The following PKHD1 variants were observed in gnomAD, a reference collection of about 807,000 sequenced individuals.
PKHD1 encodes the protein PKHD1 ciliary IPT domain containing fibrocystin/polyductin, also known as fibrocystin.
A neutral mutation model predicts 412.0 loss-of-function variants in PKHD1; 291 were observed. The ratio of observed to expected loss-of-function variants is 0.71; its 90% CI spans 0.64 to 0.78. The LOEUF (loss-of-function observed/expected upper bound fraction) is 0.78. Ranked by LOEUF, PKHD1 falls within the 30% of genes least tolerant of loss-of-function variation. The pLI, the probability that PKHD1 is intolerant of heterozygous loss-of-function variation, is 0.00. For missense variants in PKHD1, 4,825 were observed against 4,950.7 expected (o/e 0.97, Z 0.76); for synonymous variants, 1,777 against 1,821.5 (o/e 0.98, Z 0.62).
chr6:52,014,831 C>T (rs1003415893), intron 34 of PKHD1, among the ~76,000 whole-genome samples: 2 of 141,636 alleles, frequency 1.4e-5, no homozygotes, highest in African/African-American at 2.7e-5. Flanking sequence ...GATGGACGGA[C>T]GAATAGACAG....
chr6:51,958,273 A>G (rs72895782), intron 36 of PKHD1, among the ~76,000 whole-genome samples: 5,304 of 152,224 alleles, frequency 0.035, 132 homozygotes, highest in Non-Finnish European at 0.057. Context: ...CCCTCTCCAC[A>G]GGATGAGGGT....
chr6:51,910,636 C>T (rs1782794197), intron 39 of PKHD1, among the ~76,000 whole-genome samples: 1 of 152,120 alleles, frequency 6.6e-6, no homozygotes, highest in Non-Finnish European at 1.5e-5. Context: ...AACCTAGAAG[C>T]ATGATCTCAC....
intron 60 of PKHD1, among the ~76,000 whole-genome samples, chr6:51,693,722 C>G (rs910920233): frequency 1.3e-5 from 2 of 152,140 alleles, no homozygotes; most frequent in Non-Finnish European, 2.9e-5. Flanking sequence ...CTCCTTTGCT[C>G]ATTGAAAACA....
intron 22 of PKHD1, among the ~76,000 whole-genome samples, chr6:52,049,172 C>T (rs1438565749): frequency 6.6e-6 from 1 of 152,230 alleles, no homozygotes; most frequent in African/African-American, 2.4e-5. Context: ...ATGCAGTTTA[C>T]TTACACAAAC....
intron 41 of PKHD1, among the ~76,000 whole-genome samples, chr6:51,905,493 C>T (rs752942541): frequency 3.3e-5 from 5 of 152,004 alleles, no homozygotes; most frequent in African/African-American, 4.8e-5. Context: ...AGAGCTTGTG[C>T]AAAGACCCTG....
chr6:51,685,157 C>T (rs1235866807), intron 60 of PKHD1, among the ~76,000 whole-genome samples: 1 of 152,110 alleles, frequency 6.6e-6, no homozygotes, highest in Non-Finnish European at 1.5e-5. Context: ...CACCCCATTA[C>T]ACATCTGGCC....
chr6:51,941,062 C>T lies in PKHD1; in HGVS notation c.5909-6740G>A, dbSNP rs558354820. 7.3e-5 allele frequency among the ~76,000 whole-genome samples: 11 copies of T among 150,992 alleles called. No homozygotes were observed. In the Middle Eastern group the frequency reaches 0.02, roughly 280 times the overall value. On this transcript the variant is annotated intron_variant, in intron 36 of 66. Coordinates refer to ENST00000371117, the MANE Select transcript of PKHD1 (RefSeq NM_138694.4). ...CGCATCCTCCTCTTGTATCCCCCCC[C>T]ACCTTAACCCACAAATATAAGACAC...
chr6:51,667,547 T>G (rs1774044138), intron 60 of PKHD1, among the ~76,000 whole-genome samples: 1 of 152,046 alleles, frequency 6.6e-6, no homozygotes, highest in South Asian at 2.1e-4. Context: ...CTCTTTAGTT[T>G]AATTAGATCC....
At chr6:51,627,240 A>G (rs1767367975) in intron 65 of PKHD1, 124 bp from the exon 66 acceptor site, 2 of 888,902 alleles carry the variant, frequency 2.2e-6, no homozygotes, top group East Asian at 2.4e-5. Flanking sequence ...CAGAAAGCAT[A>G]TAACATATTC....
At chr6:51,699,363 T>C (rs1779155642) in intron 60 of PKHD1, among the ~76,000 whole-genome samples, 1 of 152,166 alleles carries the variant, frequency 6.6e-6, no homozygotes, top group African/African-American at 2.4e-5. Context: ...TACTGGCTTC[T>C]CTCACTCTGC....
intron 41 of PKHD1, among the ~76,000 whole-genome samples, chr6:51,904,703 T>G (rs1321518): frequency 0.49 from 74,142 of 152,006 alleles, 19,704 homozygotes; most frequent in East Asian, 0.86. Flanking sequence ...GATGTCAAAA[T>G]CTTATAATTC....
In PKHD1 at chr6:52,054,043, G is replaced by A. The variant is rs940015253; in HGVS notation, c.1959C>T (p.Pro653=). The part of the protein sequence containing the change: ...TCDWSLTRTS[P]ESWQFDCTDL... The stretch of plus-strand genomic sequence containing the variant: ...CCTCCCCACCGATTAGCTACCTCTC[G>A]GGGCTGGTCCTCGTGAGACTCCAGT... Residue 653 remains proline (P), a synonymous_variant, in exon 20 of 67, where the codon CCC becomes CCT. Coordinates refer to ENST00000371117, the MANE Select transcript of PKHD1 (RefSeq NM_138694.4). 11 of 1,613,700 alleles carry A rather than the reference G, an allele frequency of 6.8e-6. No homozygotes were observed. The highest frequency in any genetic ancestry group is 4.0e-5 in the African/African-American group (3 of 74,876).
rs373896034 is a variant in PKHD1, at chr6:51,659,003, A to G, written c.11123T>C (p.Met3708Thr). Reference sequence around the variant, plus strand: ...AGTAACTAGTAAGGCCCCGATAGTCATATTCAGAACATTCTCTAGTACCCC... The same window carrying G: ...AGTAACTAGTAAGGCCCCGATAGTCGTATTCAGAACATTCTCTAGTACCCC... ...QTGVLENVLN[M>T]TIGALLVTQS... Residue 3708 changes from methionine to threonine, a missense_variant, in exon 61 of 67, where the codon ATG becomes ACG. Physicochemically the swap from Met to Thr is moderately conservative, Grantham distance 81. Coordinates refer to ENST00000371117, the MANE Select transcript of PKHD1 (RefSeq NM_138694.4). The G allele has an allele frequency of 1.4e-5, 22 of 1,613,144 alleles. No homozygotes were observed. The African/African-American group carries it at 2.7e-4, about 20-fold the overall frequency.
intron 37 of PKHD1, among the ~76,000 whole-genome samples, chr6:51,925,813 T>G (rs1029344753): frequency 6.6e-6 from 1 of 152,110 alleles, no homozygotes; most frequent in Admixed American, 6.5e-5. Flanking sequence ...TTTTTATCTC[T>G]CTCTCTCTTT....
rs768447813 is a variant in PKHD1, at chr6:52,026,095, T to C, written c.3715A>G (p.Ile1239Val). The C allele has an allele frequency of 6.2e-7, 1 of 1,614,194 alleles. No individual in the cohort carries two copies. The change falls in exon 32 of 67, where the codon ATT becomes GTT. Residue 1239 changes from isoleucine (I) to valine (V), a missense_variant. By Grantham distance (29) the Ile-to-Val change is conservative. Transcript: ENST00000371117. ...ATGCTCGCCTCCGTTAAGTTCACAA[T>C]GTCACAGGACCGATTGCCCACAAGT... is the stretch of plus-strand genomic sequence containing the variant. ...WVLVGNRSCD[I>V]VNLTEASIWC...
intron 53 of PKHD1, among the ~76,000 whole-genome samples, chr6:51,782,848 G>A (rs1183922686): frequency 1.3e-5 from 2 of 151,974 alleles, no homozygotes; most frequent in African/African-American, 4.8e-5. Flanking sequence ...TTTAATCTAC[G>A]CTTTTCTCAG....
At chr6:51,714,450 C>A (rs1781023041) in intron 60 of PKHD1, among the ~76,000 whole-genome samples, 1 of 152,080 alleles carries the variant, frequency 6.6e-6, no homozygotes, top group African/African-American at 2.4e-5. Context: ...TCTTACATAC[C>A]ATGGAAGTGC....
At chr6:51,826,463 C>T (rs1172151897) in intron 52 of PKHD1, among the ~76,000 whole-genome samples, 1 of 152,140 alleles carries the variant, frequency 6.6e-6, no homozygotes, top group Non-Finnish European at 1.5e-5. Flanking sequence ...AGGCATCTTA[C>T]ACAAATCCAC....
chr6:52,001,622 G>A (rs1301046341), intron 35 of PKHD1, among the ~76,000 whole-genome samples: 4 of 151,790 alleles, frequency 2.6e-5, no homozygotes, highest in African/African-American at 4.8e-5. Flanking sequence ...TAGTAGAGAC[G>A]GGGTTTCACC....
Sources: allele counts gnomAD v4.1 joint callset (sites outside exome capture counted in the v4.1 genomes callset), GRCh38; gene constraint gnomAD v4.1.1; transcripts MANE v1.5; gene names NCBI Gene and HGNC (gene_info 2026-07-23, HGNC 2026-07-21).